The following SRGAP3 variants were observed in gnomAD, a reference collection of about 807,000 sequenced individuals.
SRGAP3 encodes SLIT-ROBO Rho GTPase activating protein 3.
SRGAP3 carries 39 observed loss-of-function variants against 121.1 expected under a neutral mutation model. The observed-to-expected ratio is 0.32, with a 90% CI of 0.25 to 0.42. The LOEUF is 0.42. SRGAP3 is among the 10% of genes least tolerant of loss of function. The probability of loss-of-function intolerance (pLI) is 1.00; values close to 1 mark genes in which losing one functional copy is unlikely to be tolerated. For missense variants in SRGAP3, 1,213 were observed against 1,470.6 expected, an observed-to-expected ratio of 0.82 and a Z score of 2.86; for synonymous variants, 601 against 570.0, an observed-to-expected ratio of 1.05 and a Z score of -0.77.
At chr3:9,233,832 C>T (rs1056873012) in intron 1 of SRGAP3, among the ~76,000 whole-genome samples, 1 of 152,160 alleles carries the variant, frequency 6.6e-6, no homozygotes, top group African/African-American at 2.4e-5. Flanking sequence ...CTTTGTCTTC[C>T]CCACAGAATT....
chr3:9,324,372 A>G (rs913709074), intron 3 of SRGAP3, among the ~76,000 whole-genome samples: 5 of 151,894 alleles, frequency 3.3e-5, no homozygotes, highest in South Asian at 2.1e-4. Flanking sequence ...TACTATCACT[A>G]TTGTAAATGT....
Position 9,047,463 on chromosome 3 carries a change from A to G in SRGAP3, c.1336T>C (p.Tyr446His), listed in dbSNP as rs1274725189. Residue 446 changes from tyrosine (Y) to histidine (H), a missense_variant, in exon 10 of 22, where the codon TAT becomes CAT. Around this residue, in one of 2 missense-constraint regions of SRGAP3, gnomAD observed 793 missense variants for 1,032.9 expected, o/e 0.77. Coordinates refer to ENST00000383836, the MANE Select transcript of SRGAP3 (RefSeq NM_014850.4). ...GTGATGAGGTTACTGCCATTCACAT[A>G]CTCTTTAAATTTCTGTAAGACACAA... is the stretch of plus-strand genomic sequence containing the variant. ...EMFYFTKFKE[Y>H]VNGSNLITKL... The G allele has an allele frequency of 5.6e-6, 9 of 1,613,944 alleles. No individual in the cohort carries two copies. The African/African-American group carries it at 1.1e-4, about 19-fold the overall frequency.
chr3:9,039,640 C>A (rs1415215370), intron 10 of SRGAP3, among the ~76,000 whole-genome samples: 3 of 152,166 alleles, frequency 2.0e-5, no homozygotes, highest in African/African-American at 7.2e-5. Flanking sequence ...AATAGTCACT[C>A]CCTGTTCCTG....
intron 18 of SRGAP3, among the ~76,000 whole-genome samples, chr3:8,995,384 G>A (rs1450017289): frequency 1.3e-5 from 2 of 152,284 alleles, no homozygotes; most frequent in Non-Finnish European, 2.9e-5. Flanking sequence ...CCCGAGGCAG[G>A]AAGATCACTT....
At chr3:9,006,345 A>G (rs1943071513) in intron 18 of SRGAP3, among the ~76,000 whole-genome samples, 1 of 149,896 alleles carries the variant, frequency 6.7e-6, no homozygotes, top group South Asian at 2.1e-4. Context: ...GGCTGCAGTG[A>G]GCCGAGATCA....
At chr3:9,025,599 C>T (rs1184017015) in intron 13 of SRGAP3, among the ~76,000 whole-genome samples, 2 of 152,198 alleles carry the variant, frequency 1.3e-5, no homozygotes, top group Non-Finnish European at 2.9e-5. Context: ...AAGTTTGTAT[C>T]AATACCTTTC....
chr3:9,356,164 G>A (rs960084486), intron 1 of SRGAP3, among the ~76,000 whole-genome samples: 2 of 150,466 alleles, frequency 1.3e-5, no homozygotes, highest in Non-Finnish European at 1.5e-5. Context: ...TTCCTGAACC[G>A]TGAGACCTGT....
chr3:9,331,345 T>C (rs1352297443), intron 1 of SRGAP3, among the ~76,000 whole-genome samples: 1 of 152,346 alleles, frequency 6.6e-6, no homozygotes, highest in African/African-American at 2.4e-5. Context: ...ACTTTAAAGA[T>C]GAAGAGATGA....
chr3:8,990,885 C>G (rs773578243), intron 20 of SRGAP3, 46 bp from the exon 21 acceptor site: 9 of 1,450,934 alleles, frequency 6.2e-6, no homozygotes, highest in Non-Finnish European at 8.2e-6. Context: ...GAGGTCAAGC[C>G]TGGCAAGTCT....
At chr3:9,137,145 T>C (rs888311061) in intron 1 of SRGAP3, among the ~76,000 whole-genome samples, 6 of 152,142 alleles carry the variant, frequency 3.9e-5, no homozygotes, top group Non-Finnish European at 7.4e-5. Flanking sequence ...TTCATGTAAA[T>C]ATTAAGAAAT....
chr3:9,265,673 T>C (rs553849524), intron 3 of SRGAP3, among the ~76,000 whole-genome samples: 2 of 151,938 alleles, frequency 1.3e-5, no homozygotes, highest in Non-Finnish European at 2.9e-5. Context: ...CACAATGAGA[T>C]ACCATCTCAC....
chr3:9,194,802 A>G (rs922666516), intron 1 of SRGAP3, among the ~76,000 whole-genome samples: 2 of 152,338 alleles, frequency 1.3e-5, no homozygotes, highest in East Asian at 1.9e-4. Flanking sequence ...AAAATTTCAA[A>G]TAACTTGCCA....
At chr3:9,322,668 T>C (rs1955456782) in intron 3 of SRGAP3, among the ~76,000 whole-genome samples, 2 of 151,808 alleles carry the variant, frequency 1.3e-5, no homozygotes, top group Admixed American at 6.5e-5. Context: ...TGATCTGGGG[T>C]GGAACAGCTT....
At chr3:9,256,378 A>C (rs1227217070) in intron 3 of SRGAP3, among the ~76,000 whole-genome samples, 1 of 152,204 alleles carries the variant, frequency 6.6e-6, no homozygotes, top group Admixed American at 6.5e-5. Flanking sequence ...GCTCATTTCC[A>C]GTGATGACAG....
chr3:9,268,243 T>A (rs996837552), intron 3 of SRGAP3, among the ~76,000 whole-genome samples: 2 of 151,750 alleles, frequency 1.3e-5, no homozygotes, highest in African/African-American at 2.4e-5. Flanking sequence ...GGTCATGAGG[T>A]TGGAGCCTCA....
At chr3:9,228,023 T>G (rs1301578479) in intron 1 of SRGAP3, among the ~76,000 whole-genome samples, 1 of 152,168 alleles carries the variant, frequency 6.6e-6, no homozygotes, top group African/African-American at 2.4e-5. Flanking sequence ...CAATTCTCAT[T>G]GTACAACCCA....
chr3:9,104,719 G>C lies in SRGAP3; in HGVS notation c.384C>G (p.Leu128=). 1 of 1,614,264 alleles carries C rather than the reference G, an allele frequency of 6.2e-7. No homozygotes were observed. The highest frequency in any genetic ancestry group is 2.2e-5 in the East Asian group (1 of 44,894). The change falls in exon 3 of 22, where the codon CTC becomes CTG. Residue 128 remains leucine, a synonymous_variant. Transcript: ENST00000383836. ...DIFMNNVIVR[L]SQISEDVIRL... Reference sequence around the variant, plus strand: ...TGATGACATCCTCACTGATCTGGGAGAGGCGGACGATGACATTGTTCATGA... The same window carrying C: ...TGATGACATCCTCACTGATCTGGGACAGGCGGACGATGACATTGTTCATGA...
intron 3 of SRGAP3, among the ~76,000 whole-genome samples, chr3:9,090,841 T>C (rs1947722929): frequency 6.6e-6 from 1 of 152,132 alleles, no homozygotes. Flanking sequence ...TTCACCATGT[T>C]GGCCAGGCTG....
Position 9,025,312 on chromosome 3 carries a change from C to T in SRGAP3, c.1627G>A (p.Val543Met). 6.2e-7 allele frequency: 1 copy of T among 1,614,184 alleles called. No homozygotes were observed. Among genetic ancestry groups the T allele is most frequent in the Non-Finnish European group, 8.5e-7 (1 of 1,180,026 alleles). The change falls in exon 14 of 22, where the codon GTG (valine) becomes ATG (methionine). Residue 543 changes from valine to methionine, a missense_variant. Transcript: ENST00000383836. ...YGLQQQGIFR[V>M]PGSQVEVNDI... ...TTGACTTCCACCTGAGATCCTGGCA[C>T]TCTGAAGATCCCCTGCTGCTGGAGT...
Sources: allele counts gnomAD v4.1 joint callset (sites outside exome capture counted in the v4.1 genomes callset), GRCh38; gene constraint gnomAD v4.1.1; regional missense constraint gnomAD v4.1.1; transcripts MANE v1.5; gene names NCBI Gene and HGNC (gene_info 2026-07-23, HGNC 2026-07-21).